PYHIN1: variants seen among roughly 807,000 people sequenced by gnomAD.
PYHIN1 encodes the protein pyrin and HIN domain family member 1, also known as pyrin and HIN domain-containing protein 1.
Under a neutral mutation model 43.7 loss-of-function variants are expected in PYHIN1, and 32 were observed. The ratio of observed to expected loss-of-function variants is 0.73; its 90% CI spans 0.55 to 0.98. PYHIN1 has a LOEUF of 0.98. Ranked by LOEUF, PYHIN1 falls within the 50% of genes least tolerant of loss-of-function variation. The pLI, the probability that PYHIN1 is intolerant of heterozygous loss-of-function variation, is 0.00. For synonymous variants in PYHIN1, 205 were observed against 203.1 expected (o/e 1.01, Z -0.08); for missense variants, 588 against 589.5 (o/e 1.00, Z 0.03).
At chr1:158,970,954 G>A (rs1347199805) in intron 7 of PYHIN1, among the ~76,000 whole-genome samples, 2 of 152,008 alleles carry the variant, frequency 1.3e-5, no homozygotes, top group Non-Finnish European at 2.9e-5. Context: ...AGTATTAGTT[G>A]AAAGATTCAT....
intron 7 of PYHIN1, among the ~76,000 whole-genome samples, chr1:158,953,106 C>T (rs1007389582): frequency 2.6e-5 from 4 of 152,212 alleles, no homozygotes; most frequent in Non-Finnish European, 5.9e-5. Flanking sequence ...GGTCCTACGC[C>T]CACGGGTCTC....
chr1:158,938,186 G>A (rs1400532700), intron 2 of PYHIN1, among the ~76,000 whole-genome samples: 1 of 152,172 alleles, frequency 6.6e-6, no homozygotes, highest in Non-Finnish European at 1.5e-5. Flanking sequence ...CAGGGGAGGA[G>A]TGATGAAAGC....
At chr1:158,983,129 TA>T in the PYHIN1 span, among the ~76,000 whole-genome samples, 4 of 150,726 alleles carry the variant, frequency 2.7e-5, no homozygotes, top group Admixed American at 6.6e-5. Flanking sequence ...GGACGTCTTT[TA>T]TTTTTTTTTC....
intron 7 of PYHIN1, among the ~76,000 whole-genome samples, chr1:158,961,853 G>A (rs1025241293): frequency 2.5e-4 from 38 of 152,266 alleles, no homozygotes; most frequent in African/African-American, 7.7e-4. Context: ...CTGGCAATAG[G>A]GGAGGTCAGG....
At chr1:158,946,265 T>G (rs190676952) in intron 7 of PYHIN1, among the ~76,000 whole-genome samples, 2 of 152,302 alleles carry the variant, frequency 1.3e-5, no homozygotes, top group Admixed American at 1.3e-4. Context: ...ATATATTACA[T>G]AACTGAATTC....
chr1:158,955,379 G>T (rs1464078657), intron 7 of PYHIN1, among the ~76,000 whole-genome samples: 1 of 149,228 alleles, frequency 6.7e-6, no homozygotes, highest in Non-Finnish European at 1.5e-5. Flanking sequence ...AAATGTAAAA[G>T]AACAGAAATT....
chr1:158,931,860 G>A (rs1350354521), intron 1 of PYHIN1, 84 bp downstream of exon 1: 1 of 152,164 alleles, frequency 6.6e-6, no homozygotes, highest in Non-Finnish European at 1.5e-5. Context: ...ATCGATATTG[G>A]TTCTTCAGGG....
At chr1:158,973,626 T>A (rs758681270) in intron 7 of PYHIN1, 21 bp from the exon 8 acceptor site, 5 of 1,611,302 alleles carry the variant, frequency 3.1e-6, no homozygotes, top group Non-Finnish European at 4.2e-6. Flanking sequence ...AAGACTAAAT[T>A]ACCCAAATTT....
chr1:158,937,241 C>T (rs572702770), intron 2 of PYHIN1, 66 bp downstream of exon 2: 46 of 1,481,924 alleles, frequency 3.1e-5, no homozygotes, highest in East Asian at 4.6e-5. Context: ...TTGATTAGAA[C>T]GCCACCTTGG....
At chr1:158,944,803 TC>T in intron 6 of PYHIN1, 71 bp from the exon 7 acceptor site, 1 of 1,142,396 alleles carries the variant, frequency 8.8e-7, no homozygotes, top group Non-Finnish European at 1.2e-6. Flanking sequence ...AGGATGATAT[TC>T]TCACATATTT....
At chr1:158,988,047 G>A in the PYHIN1 span, among the ~76,000 whole-genome samples, 3 of 152,176 alleles carry the variant, frequency 2.0e-5, no homozygotes, top group Non-Finnish European at 4.4e-5. Context: ...AGAACCTACG[G>A]AGTAGGCACA....
intron 7 of PYHIN1, among the ~76,000 whole-genome samples, chr1:158,957,002 C>T (rs973858400): frequency 4.1e-5 from 6 of 146,274 alleles, no homozygotes; most frequent in Admixed American, 2.8e-4. Context: ...CTCTCATTCA[C>T]AATTGCTTCA....
chr1:158,944,190 G>T (rs1272431852), intron 6 of PYHIN1, among the ~76,000 whole-genome samples: 1 of 152,112 alleles, frequency 6.6e-6, no homozygotes, highest in African/African-American at 2.4e-5. Flanking sequence ...CATGAAACTT[G>T]TGCTAAATAT....
At chr1:158,938,605 C>T in intron 3 of PYHIN1, 63 bp downstream of exon 3, 3 of 1,549,986 alleles carry the variant, frequency 1.9e-6, no homozygotes, top group Non-Finnish European at 8.8e-7. Flanking sequence ...GTGGCTGTTC[C>T]ACTCAATCTG....
At chr1:158,959,570 C>T (rs1418627156) in intron 7 of PYHIN1, among the ~76,000 whole-genome samples, 4 of 152,208 alleles carry the variant, frequency 2.6e-5, no homozygotes, top group African/African-American at 9.7e-5. Flanking sequence ...TTTTACAAAA[C>T]CTTCCGGCCT....
chr1:158,990,117 T>C, the PYHIN1 span, among the ~76,000 whole-genome samples: 3 of 152,202 alleles, frequency 2.0e-5, no homozygotes, highest in African/African-American at 7.2e-5. Context: ...TGTATCAAGA[T>C]GGCCAAATTT....
intron 7 of PYHIN1, 110 bp from the exon 8 acceptor site, chr1:158,973,537 A>AC (rs71084295): frequency 9.4e-7 from 1 of 1,067,446 alleles, no homozygotes; most frequent in African/African-American, 1.7e-5. Flanking sequence ...ACACACACAC[A>AC]TATACACACA....
chr1:158,946,799 G>A (rs960315731), intron 7 of PYHIN1, among the ~76,000 whole-genome samples: 1 of 152,108 alleles, frequency 6.6e-6, no homozygotes, highest in Non-Finnish European at 1.5e-5. Context: ...CACAAAGAGA[G>A]GGTCCTGTTA....
intron 1 of PYHIN1, among the ~76,000 whole-genome samples, chr1:158,932,430 G>A (rs1054950538): frequency 6.6e-6 from 1 of 152,076 alleles, no homozygotes; most frequent in Non-Finnish European, 1.5e-5. Flanking sequence ...TAACAAGCCT[G>A]CACATGTACC....
Sources: gnomAD v4.1 joint callset for allele counts (sites outside exome capture counted in the v4.1 genomes callset) on GRCh38, gnomAD v4.1.1 for gene constraint, MANE v1.5 for transcripts, NCBI Gene and HGNC (gene_info 2026-07-23, HGNC 2026-07-21) for gene names.